The following SH3RF3 variants were observed in gnomAD, a reference collection of about 807,000 sequenced individuals.
The protein encoded by SH3RF3 is SH3 domain containing ring finger 3, also known as E3 ubiquitin-protein ligase SH3RF3.
Under a neutral mutation model 66.3 loss-of-function variants are expected in SH3RF3, and 29 were observed. The observed-to-expected ratio is 0.44, with a 90% CI of 0.33 to 0.60. SH3RF3 has a LOEUF of 0.60. Among genes scored for constraint, SH3RF3 ranks in the 20% least tolerant of loss-of-function variants. SH3RF3 has a pLI of 0.04. For synonymous variants in SH3RF3, 583 were observed against 532.0 expected, an observed-to-expected ratio of 1.10 and a Z score of -1.32; for missense variants, 1,194 against 1,190.9, an observed-to-expected ratio of 1.00 and a Z score of -0.04.
chr2:109,252,826 G>C (rs1247436504), intron 1 of SH3RF3, among the ~76,000 whole-genome samples: 2 of 152,122 alleles, frequency 1.3e-5, no homozygotes, highest in Non-Finnish European at 2.9e-5. Flanking sequence ...ATACTGTCTT[G>C]AAAGTGAAAA....
Position 109,418,161 on chromosome 2 carries a change from G to A in SH3RF3, c.1300-1378G>A, listed in dbSNP as rs547360998. Reference sequence around the variant, plus strand: ...TACCTGCAGCCTGGCCCCGTCCTGTGCTCCAGTTTCTGCTGGGACCCCTAT... The same window carrying A: ...TACCTGCAGCCTGGCCCCGTCCTGTACTCCAGTTTCTGCTGGGACCCCTAT... On this transcript the variant is annotated intron_variant, in intron 4 of 9. Transcript: ENST00000309415. 1.1e-4 allele frequency among the ~76,000 whole-genome samples: 17 copies of A among 152,198 alleles called. No homozygotes were observed. The South Asian group carries it at 3.5e-3, about 32-fold the overall frequency.
chr2:109,401,411 G>A (rs1349743814), intron 4 of SH3RF3, among the ~76,000 whole-genome samples: 1 of 152,186 alleles, frequency 6.6e-6, no homozygotes, highest in Non-Finnish European at 1.5e-5. Context: ...AAGAGCAAAG[G>A]CCACTCTCAC....
chr2:109,285,230 C>A (rs1308806912), intron 1 of SH3RF3, among the ~76,000 whole-genome samples: 1 of 152,182 alleles, frequency 6.6e-6, no homozygotes, highest in African/African-American at 2.4e-5. Flanking sequence ...GTTGCCCTGC[C>A]CTGTGCTTGC....
At chr2:109,321,968 G>A (rs1025617428) in intron 1 of SH3RF3, among the ~76,000 whole-genome samples, 1 of 152,168 alleles carries the variant, frequency 6.6e-6, no homozygotes, top group Non-Finnish European at 1.5e-5. Flanking sequence ...AAGATGATTG[G>A]TCCTCGTTAT....
intron 9 of SH3RF3, among the ~76,000 whole-genome samples, chr2:109,493,552 A>T (rs1679184595): frequency 6.7e-6 from 1 of 148,198 alleles, no homozygotes; most frequent in Non-Finnish European, 1.5e-5. Flanking sequence ...CACACCATAC[A>T]CATACATACC....
At chr2:109,160,170 G>A (rs1677454900) in intron 1 of SH3RF3, among the ~76,000 whole-genome samples, 1 of 152,134 alleles carries the variant, frequency 6.6e-6, no homozygotes, top group African/African-American at 2.4e-5. Context: ...GTGTCACCAG[G>A]AAGTCACTCT....
chr2:109,395,575 A>G (rs2104428192), intron 3 of SH3RF3, among the ~76,000 whole-genome samples: 1 of 152,220 alleles, frequency 6.6e-6, no homozygotes, highest in African/African-American at 2.4e-5. Context: ...CTTCACTTTC[A>G]GCACCGGCCT....
intron 8 of SH3RF3, among the ~76,000 whole-genome samples, chr2:109,457,289 C>T (rs545185535): frequency 9.9e-5 from 15 of 152,204 alleles, no homozygotes; most frequent in South Asian, 6.2e-4. Flanking sequence ...CTTATATCCC[C>T]GAGGCTTCTC....
intron 1 of SH3RF3, among the ~76,000 whole-genome samples, chr2:109,295,932 C>T (rs1198821361): frequency 6.6e-6 from 1 of 152,134 alleles, no homozygotes; most frequent in East Asian, 1.9e-4. Flanking sequence ...CCTGCCTGTG[C>T]CGACACTGCT....
chr2:109,437,012 C>T lies in SH3RF3; in HGVS notation c.1694C>T (p.Ala565Val), dbSNP rs752436383. The T allele has an allele frequency of 1.2e-5, 20 of 1,613,884 alleles. No individual in the cohort carries two copies. The highest frequency in any genetic ancestry group is 1.6e-4 in the Middle Eastern group (1 of 6,062). The change falls in exon 7 of 10, where the codon GCC becomes GTC. Residue 565 changes from alanine to valine, a missense_variant. Transcript: ENST00000309415. The part of the protein sequence containing the change: ...GSGSLSSLAT[A>V]TRPALPITTP... The stretch of plus-strand genomic sequence containing the variant: ...GGGAGTCTGAGCAGCCTGGCCACTG[C>T]CACCAGGCCCGCCCTGCCCATCACC...
intron 1 of SH3RF3, among the ~76,000 whole-genome samples, chr2:109,253,261 C>T (rs942923512): frequency 2.2e-4 from 34 of 152,132 alleles, no homozygotes; most frequent in South Asian, 4.1e-4. Context: ...TGAAGTGATC[C>T]GCCTGCCTCA....
chr2:109,407,062 G>T (rs752861899), intron 4 of SH3RF3, among the ~76,000 whole-genome samples: 1 of 152,192 alleles, frequency 6.6e-6, no homozygotes, highest in Non-Finnish European at 1.5e-5. Flanking sequence ...CTGTGTGCAA[G>T]CATATACCCA....
chr2:109,143,626 T>C (rs1677018633), intron 1 of SH3RF3, among the ~76,000 whole-genome samples: 1 of 152,060 alleles, frequency 6.6e-6, no homozygotes, highest in Non-Finnish European at 1.5e-5. Context: ...TGGTGGTGCA[T>C]GCCTGTAGTC....
chr2:109,207,290 T>C (rs973770002), intron 1 of SH3RF3, among the ~76,000 whole-genome samples: 1 of 149,528 alleles, frequency 6.7e-6, no homozygotes, highest in Non-Finnish European at 1.5e-5. Context: ...GAGTAAGCTG[T>C]GTGTCTGATT....
chr2:109,161,448 TTCCCCTG>T (rs1025728624), intron 1 of SH3RF3, among the ~76,000 whole-genome samples: 3 of 152,134 alleles, frequency 2.0e-5, no homozygotes, highest in Admixed American at 1.3e-4. Flanking sequence ...TGGTCTGTTC[TTCCCCTG>T]TACACCCTCC....
chr2:109,211,892 C>T (rs1334110652), intron 1 of SH3RF3, among the ~76,000 whole-genome samples: 1 of 152,218 alleles, frequency 6.6e-6, no homozygotes, highest in Non-Finnish European at 1.5e-5. Flanking sequence ...ATCCGCCCTC[C>T]TCGGCCTCCC....
chr2:109,472,125 AAT>A (rs1464638360), intron 8 of SH3RF3, among the ~76,000 whole-genome samples: 1 of 152,236 alleles, frequency 6.6e-6, no homozygotes, highest in Non-Finnish European at 1.5e-5. Context: ...TTAATTAGTT[AAT>A]ATGATTAACA....
intron 1 of SH3RF3, among the ~76,000 whole-genome samples, chr2:109,143,925 T>G (rs554624491): frequency 3.2e-4 from 48 of 152,324 alleles, no homozygotes; most frequent in Non-Finnish European, 4.8e-4. Flanking sequence ...GAGGACGTTA[T>G]GCGAAGTGAA....
At chr2:109,337,937 AC>A (rs1682463022) in intron 1 of SH3RF3, among the ~76,000 whole-genome samples, 1 of 151,580 alleles carries the variant, frequency 6.6e-6, no homozygotes, top group African/African-American at 2.4e-5. Flanking sequence ...TTGCCACGTT[AC>A]CCCGGCTGGT....
Sources: gnomAD v4.1 joint callset for allele counts (sites outside exome capture counted in the v4.1 genomes callset) on GRCh38, gnomAD v4.1.1 for gene constraint, MANE v1.5 for transcripts, NCBI Gene and HGNC (gene_info 2026-07-23, HGNC 2026-07-21) for gene names.